The following NBAS variants were observed in gnomAD, a reference collection of about 807,000 sequenced individuals.
NBAS encodes the protein NBAS subunit of NRZ tethering complex.
In NBAS, 219 loss-of-function variants were observed where a neutral mutation model predicts 302.5. The ratio of observed to expected loss-of-function variants is 0.72; its 90% CI spans 0.65 to 0.81. The LOEUF (loss-of-function observed/expected upper bound fraction) is 0.81. Among genes scored for constraint, NBAS ranks in the 30% least tolerant of loss-of-function variants. The pLI, the probability that NBAS is intolerant of heterozygous loss-of-function variation, is 0.00. For synonymous variants in NBAS, 1,118 were observed against 1,021.6 expected, an observed-to-expected ratio of 1.09 and a Z score of -1.80; for missense variants, 2,932 against 2,841.6, an observed-to-expected ratio of 1.03 and a Z score of -0.72.
At chr2:15,470,372 A>G (rs2148578274) in intron 16 of NBAS, among the ~76,000 whole-genome samples, 1 of 152,322 alleles carries the variant, frequency 6.6e-6, no homozygotes, top group South Asian at 2.1e-4. Flanking sequence ...AAATCAATAT[A>G]TCTTTTCAAT....
At chr2:15,512,507 G>A (rs748679100) in intron 9 of NBAS, among the ~76,000 whole-genome samples, 15 of 152,178 alleles carry the variant, frequency 9.9e-5, no homozygotes, top group Non-Finnish European at 1.8e-4. Context: ...GGTTGTAGAT[G>A]GAATTAGGGT....
chr2:14,999,756 A>G, the NBAS span, among the ~76,000 whole-genome samples: 380 of 152,334 alleles, frequency 2.5e-3, 3 homozygotes, highest in African/African-American at 7.1e-3. Context: ...ATGGACTAAT[A>G]CATTATCTAT....
intron 44 of NBAS, among the ~76,000 whole-genome samples, chr2:15,257,753 CA>C (rs1242573063): frequency 3.9e-5 from 6 of 152,116 alleles, no homozygotes; most frequent in Non-Finnish European, 8.8e-5. Context: ...TAATTTTTAA[CA>C]AAAGTTTGCT....
At chr2:14,946,655 T>A in the NBAS span, among the ~76,000 whole-genome samples, 6 of 152,106 alleles carry the variant, frequency 3.9e-5, no homozygotes, top group Non-Finnish European at 5.9e-5. Flanking sequence ...CAAAGAAGCA[T>A]GAGAGTTAAA....
chr2:15,075,501 C>T, the NBAS span, among the ~76,000 whole-genome samples: 1 of 152,206 alleles, frequency 6.6e-6, no homozygotes, highest in African/African-American at 2.4e-5. Flanking sequence ...CAAAAAGCAA[C>T]ATTCATCTCT....
the NBAS span, among the ~76,000 whole-genome samples, chr2:15,082,492 T>C: frequency 6.6e-6 from 1 of 152,194 alleles, no homozygotes. Context: ...TCACTCTCTC[T>C]GGGCCTTTAA....
intron 1 of NBAS, among the ~76,000 whole-genome samples, 155 bp downstream of exon 1, chr2:15,561,033 A>G (rs1664892153): frequency 8.4e-6 from 1 of 119,460 alleles, no homozygotes; most frequent in Non-Finnish European, 1.7e-5. Flanking sequence ...GACCCCCGCT[A>G]GCCCAAGGTG....
At chr2:14,971,981 C>A in the NBAS span, among the ~76,000 whole-genome samples, 78 of 152,208 alleles carry the variant, frequency 5.1e-4, no homozygotes, top group African/African-American at 1.9e-3. Context: ...GATGAAGTAT[C>A]TGAAGAAGTA....
intron 47 of NBAS, among the ~76,000 whole-genome samples, chr2:15,226,576 A>C (rs1391265903): frequency 6.6e-6 from 1 of 152,156 alleles, no homozygotes; most frequent in Non-Finnish European, 1.5e-5. Flanking sequence ...CCTACCTTTA[A>C]TTGTAGATGT....
At position 15,190,157 on chromosome 2, in the gene NBAS, C is replaced by T. The variant is rs868706568; in HGVS notation, c.6572+107G>A. On this transcript the variant is annotated intron_variant, in intron 49 of 51. Transcript: ENST00000281513. ...TCTAAAGGCAAATACTGACTACGCA[C>T]ACACATATAATTATTCTTTCATTGG... 46 of 1,286,294 alleles carry T rather than the reference C, an allele frequency of 3.6e-5. 1 individual carries two copies. The Middle Eastern group carries it at 5.6e-3, about 156-fold the overall frequency. The allele number at this position is 1,286,294 out of a possible 1,614,324, so 79.7% of individuals were successfully genotyped here.
chr2:15,250,445 A>C (rs1668309418), intron 44 of NBAS, among the ~76,000 whole-genome samples: 1 of 152,226 alleles, frequency 6.6e-6, no homozygotes, highest in African/African-American at 2.4e-5. Context: ...ATGGCAACAA[A>C]AGCCGAAGTA....
intron 38 of NBAS, among the ~76,000 whole-genome samples, chr2:15,312,892 C>A (rs1440759346): frequency 2.0e-5 from 3 of 152,176 alleles, no homozygotes; most frequent in Admixed American, 1.3e-4. Context: ...TTTTCACTGC[C>A]ACAAACTCTA....
intron 28 of NBAS, among the ~76,000 whole-genome samples, chr2:15,392,022 C>CA (rs148135728): frequency 6.0e-5 from 9 of 149,478 alleles, no homozygotes; most frequent in East Asian, 2.0e-4. Context: ...CTAGCACTAC[C>CA]AAAAAAAAAA....
the NBAS span, among the ~76,000 whole-genome samples, chr2:14,874,585 A>C: frequency 5.3e-5 from 8 of 151,086 alleles, 1 homozygote; most frequent in African/African-American, 1.7e-4. Context: ...GCTTGCAGTG[A>C]GCCAAGATGG....
the NBAS span, among the ~76,000 whole-genome samples, chr2:15,055,756 G>C: frequency 3.3e-4 from 50 of 152,266 alleles, 1 homozygote; most frequent in Admixed American, 3.2e-3. Flanking sequence ...AATGGGAGTC[G>C]GGTTTCTCCC....
chr2:15,183,125 C>T (rs567832954), intron 50 of NBAS, among the ~76,000 whole-genome samples: 3 of 152,212 alleles, frequency 2.0e-5, no homozygotes, highest in South Asian at 2.1e-4. Context: ...AAATTAAACT[C>T]GTCAACTTCC....
chr2:14,828,179 GA>G, the NBAS span, among the ~76,000 whole-genome samples: 3 of 151,676 alleles, frequency 2.0e-5, no homozygotes, highest in Admixed American at 6.6e-5. Flanking sequence ...TTACCTTCTA[GA>G]AAAAAAATAG....
the NBAS span, among the ~76,000 whole-genome samples, chr2:14,936,268 T>C: frequency 6.6e-6 from 1 of 152,208 alleles, no homozygotes; most frequent in Non-Finnish European, 1.5e-5. Flanking sequence ...ATGAATAAAA[T>C]TCTGTTGGCA....
chr2:14,901,639 C>T, the NBAS span, among the ~76,000 whole-genome samples: 18 of 152,212 alleles, frequency 1.2e-4, no homozygotes, highest in Non-Finnish European at 2.4e-4. Context: ...GGGGAAATAA[C>T]TTAGATTCTT....
Sources: gnomAD v4.1 joint callset for allele counts (sites outside exome capture counted in the v4.1 genomes callset) on GRCh38, gnomAD v4.1.1 for gene constraint, MANE v1.5 for transcripts, NCBI Gene and HGNC (gene_info 2026-07-23, HGNC 2026-07-21) for gene names.